MAML3: variants seen among roughly 807,000 people sequenced by gnomAD.
MAML3 encodes the protein mastermind-like protein 3.
Under a neutral mutation model 101.9 loss-of-function variants are expected in MAML3, and 27 were observed. The ratio of observed to expected loss-of-function variants is 0.27; its 90% CI spans 0.20 to 0.37. The LOEUF is 0.37. Ranked by LOEUF, MAML3 falls within the 10% of genes least tolerant of loss-of-function variation. The pLI, the probability that MAML3 is intolerant of heterozygous loss-of-function variation, is 1.00. For synonymous variants in MAML3, 501 were observed against 555.9 expected, an observed-to-expected ratio of 0.90 and a Z score of 1.39; for missense variants, 1,316 against 1,444.9, an observed-to-expected ratio of 0.91 and a Z score of 1.45.
At chr4:139,816,829 C>T (rs908553546) in intron 2 of MAML3, among the ~76,000 whole-genome samples, 3 of 152,096 alleles carry the variant, frequency 2.0e-5, no homozygotes, top group African/African-American at 7.2e-5. Flanking sequence ...TTATCTTGTC[C>T]TATTCCCAGA....
At chr4:140,148,994 A>T (rs1729109201) in intron 1 of MAML3, among the ~76,000 whole-genome samples, 1 of 152,232 alleles carries the variant, frequency 6.6e-6, no homozygotes, top group Non-Finnish European at 1.5e-5. Context: ...TCACCATTTT[A>T]AAATTTTGAA....
chr4:140,011,145 GT>G (rs1560865776), intron 1 of MAML3, among the ~76,000 whole-genome samples: 1 of 97,190 alleles, frequency 1.0e-5, no homozygotes, highest in Non-Finnish European at 2.0e-5. Context: ...ATACACATAT[GT>G]CATATATATT....
intron 2 of MAML3, among the ~76,000 whole-genome samples, chr4:139,852,403 G>GTTTTTT (rs67349785): frequency 5.9e-5 from 4 of 68,326 alleles, no homozygotes; most frequent in African/African-American, 1.3e-4. Flanking sequence ...TCAGAAGACT[G>GTTTTTT]TTTTTTTTTT....
chr4:139,859,489 G>C (rs955225614), intron 2 of MAML3, among the ~76,000 whole-genome samples: 1 of 151,936 alleles, frequency 6.6e-6, no homozygotes, highest in South Asian at 2.1e-4. Flanking sequence ...TTACAGGCGT[G>C]AGCCATCGTG....
Position 140,092,684 on chromosome 4 carries a change from G to A in MAML3, c.468+60176C>T, listed in dbSNP as rs529249660. 3.9e-5 allele frequency among the ~76,000 whole-genome samples: 6 copies of A among 152,276 alleles called. 1 individual carries two copies. The South Asian group carries it at 1.2e-3, about 32-fold the overall frequency. ...AGTCGACAGCAGAACAGAAAACACC[G>A]GGAGGAGAGCCGACTGGCTTCCAGA... is the stretch of plus-strand genomic sequence containing the variant. On this transcript the variant is annotated intron_variant, in intron 1 of 4. Transcript: ENST00000509479.
chr4:140,121,793 A>G (rs1728610056), intron 1 of MAML3, among the ~76,000 whole-genome samples: 1 of 152,216 alleles, frequency 6.6e-6, no homozygotes, highest in Non-Finnish European at 1.5e-5. Context: ...AGTGCATGAT[A>G]TGGTTTGGCT....
At chr4:139,776,828 ACACTG>A (rs1271348966) in intron 2 of MAML3, among the ~76,000 whole-genome samples, 1 of 152,220 alleles carries the variant, frequency 6.6e-6, no homozygotes, top group Non-Finnish European at 1.5e-5. Context: ...TACTGGCGTG[ACACTG>A]TTATTTGACT....
chr4:139,932,417 C>CGTTA (rs377043512), intron 1 of MAML3, among the ~76,000 whole-genome samples: 2 of 152,156 alleles, frequency 1.3e-5, no homozygotes, highest in African/African-American at 4.8e-5. Context: ...AGTGTTGCTT[C>CGTTA]GTTAACAGGG....
At chr4:139,863,573 C>T (rs937922886) in intron 2 of MAML3, among the ~76,000 whole-genome samples, 3 of 151,984 alleles carry the variant, frequency 2.0e-5, no homozygotes, top group Non-Finnish European at 4.4e-5. Context: ...TGGTCTCGAA[C>T]TCCTGACCTT....
At chr4:139,952,509 C>A (rs896579277) in intron 1 of MAML3, among the ~76,000 whole-genome samples, 2 of 152,130 alleles carry the variant, frequency 1.3e-5, no homozygotes, top group Non-Finnish European at 2.9e-5. Context: ...CAACCTCGGA[C>A]TGTCCTCACA....
intron 1 of MAML3, among the ~76,000 whole-genome samples, chr4:140,022,747 GC>G (rs1259857029): frequency 1.3e-5 from 2 of 152,068 alleles, no homozygotes; most frequent in Non-Finnish European, 2.9e-5. Context: ...TTTTCCCTCT[GC>G]CCACTAAATA....
chr4:140,073,302 T>A (rs1287640214), intron 1 of MAML3, among the ~76,000 whole-genome samples: 1 of 152,136 alleles, frequency 6.6e-6, no homozygotes, highest in South Asian at 2.1e-4. Flanking sequence ...CATGCCCGGC[T>A]AATTTTTGTA....
At chr4:139,803,914 C>T (rs146362635) in intron 2 of MAML3, among the ~76,000 whole-genome samples, 89 of 152,278 alleles carry the variant, frequency 5.8e-4, no homozygotes, top group African/African-American at 2.1e-3. Flanking sequence ...TTCCAAATTC[C>T]ACACTAGTTC....
At chr4:139,829,365 A>C (rs932405802) in intron 2 of MAML3, among the ~76,000 whole-genome samples, 2 of 152,236 alleles carry the variant, frequency 1.3e-5, no homozygotes, top group African/African-American at 4.8e-5. Flanking sequence ...AGTCAGATCA[A>C]GTGTGGCCAA....
At chr4:140,112,389 A>T (rs1439180632) in intron 1 of MAML3, among the ~76,000 whole-genome samples, 1 of 152,226 alleles carries the variant, frequency 6.6e-6, no homozygotes, top group Non-Finnish European at 1.5e-5. Context: ...TAAAGGTAAC[A>T]TGTTGACTTG....
rs149226574 is a variant in MAML3, at chr4:139,989,032, G to A, written c.469-98065C>T. On this transcript the variant is annotated intron_variant, in intron 1 of 4. Coordinates refer to ENST00000509479, the MANE Select transcript of MAML3 (RefSeq NM_018717.5). ...TTGATTCCTCGCAGAGGCAGCTGCT[G>A]GCTACAGACTTACTAAATTGCAAGT... Among the ~76,000 whole-genome samples the A allele has an allele frequency of 7.8e-3, 1,182 of 152,248 alleles. 17 individuals are homozygous for A. Among genetic ancestry groups the A allele is most frequent in the African/African-American group, 0.027 (1,129 of 41,538 alleles).
chr4:140,021,591 T>C (rs2110877121), intron 1 of MAML3, among the ~76,000 whole-genome samples: 1 of 152,298 alleles, frequency 6.6e-6, no homozygotes, highest in East Asian at 1.9e-4. Flanking sequence ...CTAATTTTTT[T>C]TCCTTATTTT....
chr4:139,869,286 T>G (rs1731958354), intron 2 of MAML3, among the ~76,000 whole-genome samples: 1 of 152,174 alleles, frequency 6.6e-6, no homozygotes. Context: ...TACTCTTTAC[T>G]CCAGTTGACA....
At chr4:139,850,021 A>G (rs1159404964) in intron 2 of MAML3, among the ~76,000 whole-genome samples, 1 of 152,178 alleles carries the variant, frequency 6.6e-6, no homozygotes, top group Non-Finnish European at 1.5e-5. Flanking sequence ...GACAAATAGC[A>G]CTGGTATTGT....
Sources: gnomAD v4.1 joint callset for allele counts (sites outside exome capture counted in the v4.1 genomes callset) on GRCh38, gnomAD v4.1.1 for gene constraint, MANE v1.5 for transcripts, NCBI Gene and HGNC (gene_info 2026-07-23, HGNC 2026-07-21) for gene names.